The following PLCB4 variants were observed in gnomAD, a reference collection of about 807,000 sequenced individuals.
PLCB4 encodes 1-phosphatidylinositol 4,5-bisphosphate phosphodiesterase beta-4.
PLCB4 carries 77 observed loss-of-function variants against 178.8 expected under a neutral mutation model. The observed-to-expected ratio is 0.43, with a 90% confidence interval of 0.36 to 0.52. PLCB4 has a LOEUF of 0.52. Ranked by LOEUF, PLCB4 falls within the 20% of genes least tolerant of loss-of-function variation. PLCB4 has a pLI of 0.00. For synonymous variants in PLCB4, 496 were observed against 490.8 expected, an observed-to-expected ratio of 1.01 and a Z score of -0.14; for missense variants, 1,024 against 1,453.4, an observed-to-expected ratio of 0.70 and a Z score of 4.80.
At chr20:9,154,564 C>G (rs887489450) in intron 2 of PLCB4, among the ~76,000 whole-genome samples, 7 of 152,312 alleles carry the variant, frequency 4.6e-5, no homozygotes, top group Admixed American at 3.9e-4. Context: ...ATCTGCTTCA[C>G]TCTGGCCCCC....
chr20:9,075,665 C>G (rs1600231038), intron 1 of PLCB4, among the ~76,000 whole-genome samples: 1 of 152,310 alleles, frequency 6.6e-6, no homozygotes, highest in South Asian at 2.1e-4. Context: ...ATCCAGGGGC[C>G]CAATTGTGCC....
At chr20:9,397,524 A>G (rs1375718821) in intron 19 of PLCB4, among the ~76,000 whole-genome samples, 1 of 152,208 alleles carries the variant, frequency 6.6e-6, no homozygotes. Flanking sequence ...GATCCATCAG[A>G]GGACATTCTC....
At chr20:9,338,153 C>T (rs1225516331) in intron 6 of PLCB4, 86 bp downstream of exon 6, 1 of 861,150 alleles carries the variant, frequency 1.2e-6, no homozygotes, top group East Asian at 2.5e-5. Context: ...AAAACTCACT[C>T]TTTGTATCCA....
intron 2 of PLCB4, among the ~76,000 whole-genome samples, chr20:9,203,056 A>AAAAAAT (rs769628056): frequency 1.0e-4 from 13 of 126,148 alleles, no homozygotes; most frequent in African/African-American, 3.6e-4. Flanking sequence ...AAAAAAAAAA[A>AAAAAAT]ATATATATAT....
intron 28 of PLCB4, 116 bp downstream of exon 28, chr20:9,424,068 T>A: frequency 1.4e-6 from 1 of 695,946 alleles, no homozygotes; most frequent in Non-Finnish European, 2.5e-6. Context: ...TTCCTGCTAA[T>A]GCTGCCAACC....
At chr20:9,473,918 C>A (rs59795792) in intron 38 of PLCB4, among the ~76,000 whole-genome samples, 5 of 152,050 alleles carry the variant, frequency 3.3e-5, no homozygotes, top group African/African-American at 9.7e-5. Context: ...GAAATATACA[C>A]AAATAAAGAG....
At chr20:9,200,410 TC>T (rs2093528243) in intron 2 of PLCB4, among the ~76,000 whole-genome samples, 1 of 152,222 alleles carries the variant, frequency 6.6e-6, no homozygotes, top group Non-Finnish European at 1.5e-5. Context: ...TCATTCAGAC[TC>T]TTGCAGTAGC....
chr20:9,083,396 C>T (rs1012678986), intron 1 of PLCB4, among the ~76,000 whole-genome samples: 3 of 150,400 alleles, frequency 2.0e-5, no homozygotes, highest in Non-Finnish European at 4.5e-5. Context: ...CACACACACA[C>T]CGCAGGTGCT....
At chr20:9,149,319 G>C (rs1600722965) in intron 2 of PLCB4, among the ~76,000 whole-genome samples, 1 of 152,080 alleles carries the variant, frequency 6.6e-6, no homozygotes, top group African/African-American at 2.4e-5. Context: ...TATCCCACCT[G>C]TTAGGGAAGA....
chr20:9,209,326 T>A (rs1377026546), intron 2 of PLCB4, among the ~76,000 whole-genome samples: 1 of 152,104 alleles, frequency 6.6e-6, no homozygotes, highest in Non-Finnish European at 1.5e-5. Flanking sequence ...GTTACATAGA[T>A]GACAAATGCA....
At chr20:9,097,370 T>C (rs914949660) in intron 2 of PLCB4, among the ~76,000 whole-genome samples, 1 of 151,570 alleles carries the variant, frequency 6.6e-6, no homozygotes, top group African/African-American at 2.4e-5. Flanking sequence ...CTGTGGAGAC[T>C]GGGAAACCGC....
At chr20:9,344,960 A>G (rs2033643299) in intron 7 of PLCB4, among the ~76,000 whole-genome samples, 1 of 152,220 alleles carries the variant, frequency 6.6e-6, no homozygotes, top group Non-Finnish European at 1.5e-5. Context: ...CCTTTCGCTA[A>G]TAGGCGAGTC....
intron 1 of PLCB4, among the ~76,000 whole-genome samples, chr20:9,078,343 C>CTGTTG (rs1463478310): frequency 2.3e-5 from 1 of 43,002 alleles, no homozygotes; most frequent in Non-Finnish European, 3.8e-5. Context: ...ACTATACCTT[C>CTGTTG]TTTTCTTTTC....
At chr20:9,454,323 G>C (rs945344118) in intron 33 of PLCB4, among the ~76,000 whole-genome samples, 2 of 152,152 alleles carry the variant, frequency 1.3e-5, no homozygotes, top group African/African-American at 4.8e-5. Context: ...GTATCTTACA[G>C]GTTTCTGCAC....
At chr20:9,093,271 A>G (rs752185532) in intron 1 of PLCB4, among the ~76,000 whole-genome samples, 4 of 152,168 alleles carry the variant, frequency 2.6e-5, no homozygotes, top group Non-Finnish European at 5.9e-5. Context: ...ATTGAAAACA[A>G]CTGAATTTTG....
chr20:9,137,353 G>A (rs963174903), intron 2 of PLCB4, among the ~76,000 whole-genome samples: 3 of 152,048 alleles, frequency 2.0e-5, no homozygotes, highest in Admixed American at 6.6e-5. Flanking sequence ...ATAAGATAAT[G>A]AGGCATAAAT....
chr20:9,320,078 T>C (rs2094942868), intron 4 of PLCB4, among the ~76,000 whole-genome samples: 3 of 152,156 alleles, frequency 2.0e-5, no homozygotes. Context: ...AGCAAGTTTA[T>C]TAAGAAAGTA....
At chr20:9,334,572 A>G (rs1310463939) in intron 4 of PLCB4, among the ~76,000 whole-genome samples, 1 of 152,180 alleles carries the variant, frequency 6.6e-6, no homozygotes, top group Non-Finnish European at 1.5e-5. Context: ...GTTTGGTGAT[A>G]AAGTATGCAT....
At chr20:9,157,364 TG>T (rs1415718226) in intron 2 of PLCB4, among the ~76,000 whole-genome samples, 2 of 152,206 alleles carry the variant, frequency 1.3e-5, no homozygotes, top group African/African-American at 4.8e-5. Flanking sequence ...TAGCAATTCT[TG>T]GGATGCTGCA....
Sources: gnomAD v4.1 joint callset for allele counts (sites outside exome capture counted in the v4.1 genomes callset) on GRCh38, gnomAD v4.1.1 for gene constraint, MANE v1.5 for transcripts, NCBI Gene and HGNC (gene_info 2026-07-23, HGNC 2026-07-21) for gene names.